Variants in RMDN2 observed in about 807,000 individuals in gnomAD.
RMDN2 encodes regulator of microtubule dynamics protein 2.
Under a neutral mutation model 52.8 loss-of-function variants are expected in RMDN2, and 61 were observed. The ratio of observed to expected loss-of-function variants is 1.16; its 90% CI spans 0.94 to 1.43. The LOEUF is 1.43. RMDN2 is among the 40% of genes most tolerant of loss of function. RMDN2 has a pLI of 0.00. For synonymous variants in RMDN2, 180 were observed against 153.1 expected, an observed-to-expected ratio of 1.18 and a Z score of -1.30; for missense variants, 592 against 475.3, an observed-to-expected ratio of 1.25 and a Z score of -2.28.
intron 2 of RMDN2, chr2:37,951,933 C>T (rs1465822935): frequency 6.2e-7 from 1 of 1,613,252 alleles, no homozygotes. Context: ...ACAAAGGGGC[C>T]AATTATGTAA....
chr2:38,039,855 ACC>A (rs1349292672), intron 10 of RMDN2, among the ~76,000 whole-genome samples: 36 of 152,144 alleles, frequency 2.4e-4, no homozygotes, highest in African/African-American at 7.5e-4. Flanking sequence ...GCACAAAGGT[ACC>A]CAGGACAGTG....
upstream of RMDN2, among the ~76,000 whole-genome samples, chr2:37,922,984 G>A (rs576274640): frequency 2.9e-4 from 44 of 152,356 alleles, no homozygotes; most frequent in African/African-American, 1.1e-3. Flanking sequence ...TGAAGGGTCT[G>A]TACCCACTCC....
chr2:37,991,909 T>C (rs1044950743), intron 7 of RMDN2, among the ~76,000 whole-genome samples: 3 of 152,156 alleles, frequency 2.0e-5, no homozygotes, highest in African/African-American at 7.2e-5. Flanking sequence ...AATGTGAAAA[T>C]GTATCTTAAG....
chr2:37,933,514 A>C (rs1380293493), intron 2 of RMDN2, among the ~76,000 whole-genome samples: 5 of 152,272 alleles, frequency 3.3e-5, no homozygotes, highest in Non-Finnish European at 7.3e-5. Flanking sequence ...CTCCGTCTGC[A>C]ATCCCGGCAC....
At chr2:38,066,081 TCATCTC>T (rs1682266709) in intron 10 of RMDN2, among the ~76,000 whole-genome samples, 1 of 152,194 alleles carries the variant, frequency 6.6e-6, no homozygotes, top group African/African-American at 2.4e-5. Flanking sequence ...TTGAATTAGT[TCATCTC>T]CAGGGAAAAT....
chr2:38,058,501 A>G (rs971549926), intron 10 of RMDN2, among the ~76,000 whole-genome samples: 1 of 152,188 alleles, frequency 6.6e-6, no homozygotes, highest in African/African-American at 2.4e-5. Context: ...GGACTTCAGG[A>G]CCAGAAATTG....
intron 10 of RMDN2, chr2:38,027,464 C>G (rs1415269724): frequency 6.6e-6 from 1 of 152,108 alleles, no homozygotes; most frequent in Non-Finnish European, 1.5e-5. Context: ...ACCACACTTT[C>G]CAGTCCTATA....
intron 10 of RMDN2, among the ~76,000 whole-genome samples, chr2:38,026,238 T>C (rs958680517): frequency 6.6e-6 from 1 of 152,154 alleles, no homozygotes. Flanking sequence ...TTGTCAAATT[T>C]GTTGGCACAA....
chr2:37,975,325 T>G lies in RMDN2; in HGVS notation c.730+11T>G. Reference sequence around the variant, plus strand: ...ATTATGCTAATATTGGTAAGCATTTTGTAAAGATTATTCTCAAGTAGCAAT... The same window carrying G: ...ATTATGCTAATATTGGTAAGCATTTGGTAAAGATTATTCTCAAGTAGCAAT... On this transcript the variant is annotated intron_variant, in intron 4 of 10. Coordinates refer to ENST00000354545, the MANE Select transcript of RMDN2 (RefSeq NM_001170791.3). The G allele has an allele frequency of 6.9e-7, 1 of 1,440,842 alleles. No homozygotes were observed. 89.3% of individuals were successfully genotyped at this position (1,440,842 alleles called of 1,614,324 possible). A position where few individuals can be genotyped will look rare whatever the true frequency, so the allele number is the denominator to read the frequency against.
chr2:37,998,048 A>T (rs924109040), intron 8 of RMDN2: 17 of 158,350 alleles, frequency 1.1e-4, no homozygotes, highest in Non-Finnish European at 2.3e-4. Flanking sequence ...TAATCGCTGT[A>T]CTATACAACT....
chr2:38,003,184 C>G (rs896388575), intron 8 of RMDN2, among the ~76,000 whole-genome samples: 1 of 152,144 alleles, frequency 6.6e-6, no homozygotes, highest in Non-Finnish European at 1.5e-5. Flanking sequence ...ATGTTGAAAT[C>G]ACAAGAAATC....
At position 37,993,553 on chromosome 2, in the gene RMDN2, G is replaced by C. The variant is rs140903823; in HGVS notation, c.945+2256G>C. Among the ~76,000 whole-genome samples, 617 of 152,074 alleles carry C rather than the reference G, an allele frequency of 4.1e-3. 3 individuals are homozygous for C. Among genetic ancestry groups the C allele is most frequent in the African/African-American group, 0.014 (599 of 41,484 alleles). On this transcript the variant is annotated intron_variant, in intron 7 of 10. Transcript: ENST00000354545. ...AATAACAATAAGGGGAACAGCCAAA[G>C]GCCAGAAACAAAGCAAGAATACCAG... is the stretch of plus-strand genomic sequence containing the variant.
At position 37,985,049 on chromosome 2, in the gene RMDN2, G is replaced by A. The variant is rs79051778; in HGVS notation, c.791+3706G>A. Reference sequence around the variant, plus strand: ...CAGATTCCAAAAAAATATGAAAAATGTAACTCTAGGGGCAGATTATTTAAA... The same window carrying A: ...CAGATTCCAAAAAAATATGAAAAATATAACTCTAGGGGCAGATTATTTAAA... On this transcript the variant is annotated intron_variant, in intron 5 of 10. Coordinates refer to ENST00000354545, the MANE Select transcript of RMDN2 (RefSeq NM_001170791.3). Among the ~76,000 whole-genome samples, 271 of 152,140 alleles carry A rather than the reference G, an allele frequency of 1.8e-3. 4 individuals carry two copies. The East Asian group carries it at 0.044, about 25-fold the overall frequency.
intron 10 of RMDN2, among the ~76,000 whole-genome samples, chr2:38,056,205 C>A (rs115401060): frequency 9.2e-5 from 14 of 152,306 alleles, no homozygotes; most frequent in Non-Finnish European, 1.9e-4. Flanking sequence ...GTCCAGGATC[C>A]TCTCATCCTC....
chr2:38,030,443 T>G (rs974410009), intron 10 of RMDN2: 1 of 152,222 alleles, frequency 6.6e-6, no homozygotes, highest in Non-Finnish European at 1.5e-5. Context: ...AAAAAATATT[T>G]AGTGCAGTCA....
intron 10 of RMDN2, among the ~76,000 whole-genome samples, chr2:38,012,987 T>C (rs559314816): frequency 6.6e-6 from 1 of 152,370 alleles, no homozygotes; most frequent in East Asian, 1.9e-4. Context: ...TAGTTGATAT[T>C]GGGAGTGTCA....
intron 10 of RMDN2, chr2:38,033,258 T>C (rs952408880): frequency 2.0e-5 from 3 of 152,222 alleles, no homozygotes; most frequent in East Asian, 3.9e-4. Context: ...TTTTACTTTC[T>C]CTTTCTTGCC....
intron 2 of RMDN2, among the ~76,000 whole-genome samples, chr2:37,950,984 T>C (rs1668705695): frequency 6.6e-6 from 1 of 152,080 alleles, no homozygotes; most frequent in Admixed American, 6.6e-5. Context: ...CTTCCCAAGG[T>C]TTAATAGAGT....
intron 2 of RMDN2, among the ~76,000 whole-genome samples, chr2:37,955,598 G>A (rs566517681): frequency 5.9e-5 from 9 of 152,146 alleles, no homozygotes; most frequent in South Asian, 4.2e-4. Context: ...CATGGGGGCC[G>A]ATCTTTCCTG....
Sources: allele counts gnomAD v4.1 joint callset (sites outside exome capture counted in the v4.1 genomes callset), GRCh38; gene constraint gnomAD v4.1.1; transcripts MANE v1.5; gene names NCBI Gene and HGNC (gene_info 2026-07-23, HGNC 2026-07-21).